Variants in PARD3B observed in about 807,000 individuals in gnomAD.
The protein encoded by PARD3B is par-3 family cell polarity regulator beta.
PARD3B carries 103 observed loss-of-function variants against 130.2 expected under a neutral mutation model. That is an observed-to-expected ratio of 0.79 (90% CI 0.67 to 0.93). The LOEUF is 0.93. PARD3B is among the 40% of genes least tolerant of loss of function. The probability of loss-of-function intolerance (pLI) is 0.00; values close to 1 mark genes in which losing one functional copy is unlikely to be tolerated. For missense variants in PARD3B, 1,609 were observed against 1,499.2 expected (o/e 1.07, Z -1.21); for synonymous variants, 583 against 553.2 (o/e 1.05, Z -0.76).
chr2:205,290,109 C>G (rs1172012016), intron 16 of PARD3B, among the ~76,000 whole-genome samples: 2 of 152,154 alleles, frequency 1.3e-5, no homozygotes, highest in Non-Finnish European at 2.9e-5. Flanking sequence ...AATTAATTAG[C>G]TGAGTAAACA....
At chr2:205,323,522 T>C (rs2042830921) in intron 18 of PARD3B, among the ~76,000 whole-genome samples, 1 of 152,224 alleles carries the variant, frequency 6.6e-6, no homozygotes, top group Non-Finnish European at 1.5e-5. Flanking sequence ...GTTTTTCTAA[T>C]ACGCAAAGGG....
chr2:204,676,971 A>G (rs546493193), intron 1 of PARD3B, among the ~76,000 whole-genome samples: 2 of 152,166 alleles, frequency 1.3e-5, no homozygotes, highest in South Asian at 4.2e-4. Context: ...CCCGGCCAAG[A>G]TTGTTCTTTT....
intron 18 of PARD3B, among the ~76,000 whole-genome samples, chr2:205,378,349 T>C (rs779441977): frequency 1.3e-5 from 2 of 152,158 alleles, no homozygotes; most frequent in East Asian, 1.9e-4. Flanking sequence ...TTCGAGGCCA[T>C]TGGAGGCCTG....
At chr2:205,453,825 T>G (rs1452113873) in intron 20 of PARD3B, among the ~76,000 whole-genome samples, 1 of 152,216 alleles carries the variant, frequency 6.6e-6, no homozygotes, top group Non-Finnish European at 1.5e-5. Flanking sequence ...GTTGTACATG[T>G]ATGTAAAATG....
chr2:205,346,680 C>T (rs849252), intron 18 of PARD3B, among the ~76,000 whole-genome samples: 19,339 of 152,076 alleles, frequency 0.13, 1,331 homozygotes, highest in African/African-American at 0.18. Flanking sequence ...ACTTTGTCAC[C>T]CTGCAGCTAT....
intron 1 of PARD3B, among the ~76,000 whole-genome samples, chr2:204,590,071 A>G (rs779210205): frequency 6.6e-6 from 1 of 152,172 alleles, no homozygotes; most frequent in Non-Finnish European, 1.5e-5. Flanking sequence ...TCTGACTGCT[A>G]TAACAAATAT....
intron 2 of PARD3B, among the ~76,000 whole-genome samples, chr2:204,785,552 C>A (rs1161778781): frequency 6.6e-6 from 1 of 152,154 alleles, no homozygotes; most frequent in South Asian, 2.1e-4. Context: ...CTGCCATAAC[C>A]TACCAAACCC....
intron 15 of PARD3B, among the ~76,000 whole-genome samples, chr2:205,204,029 C>G (rs1413991910): frequency 2.6e-5 from 4 of 152,230 alleles, no homozygotes; most frequent in South Asian, 4.1e-4. Context: ...AATCACCACA[C>G]TGTCTTCCAC....
intron 2 of PARD3B, among the ~76,000 whole-genome samples, chr2:204,807,392 G>C (rs908689075): frequency 2.6e-5 from 4 of 152,162 alleles, no homozygotes; most frequent in African/African-American, 7.2e-5. Context: ...TACACTGTTG[G>C]TCGGAATGTA....
intron 1 of PARD3B, among the ~76,000 whole-genome samples, chr2:204,604,480 C>T (rs1232750563): frequency 6.6e-6 from 1 of 152,142 alleles, no homozygotes; most frequent in East Asian, 1.9e-4. Context: ...ATTTTTAGAG[C>T]ACAGATATCT....
In PARD3B at chr2:205,337,194, A is replaced by G. The variant is rs1039155126; in HGVS notation, c.2630+35493A>G. ...CAAACACCAGCAACACCTTTCAGCA[A>G]CACAGTTTGGTGAAGACATGCCTAG... On this transcript the variant is annotated intron_variant, in intron 18 of 22. Coordinates refer to ENST00000406610, the MANE Select transcript of PARD3B (RefSeq NM_001302769.2). 7.9e-5 allele frequency among the ~76,000 whole-genome samples: 12 copies of G among 152,218 alleles called. 1 individual carries two copies. Among genetic ancestry groups the G allele is most frequent in the African/African-American group, 2.9e-4 (12 of 41,458 alleles).
intron 2 of PARD3B, among the ~76,000 whole-genome samples, chr2:204,747,412 C>T (rs1234020533): frequency 6.6e-6 from 1 of 152,126 alleles, no homozygotes; most frequent in African/African-American, 2.4e-5. Context: ...CTATAAACCA[C>T]TGCTCAACGA....
intron 1 of PARD3B, among the ~76,000 whole-genome samples, chr2:204,620,033 G>A (rs1018152503): frequency 2.1e-4 from 32 of 152,054 alleles, no homozygotes; most frequent in African/African-American, 6.8e-4. Flanking sequence ...ATGGAATCTC[G>A]CTCTGTCACC....
intron 2 of PARD3B, among the ~76,000 whole-genome samples, chr2:204,801,109 G>C (rs1344288540): frequency 6.6e-6 from 1 of 152,078 alleles, no homozygotes; most frequent in Non-Finnish European, 1.5e-5. Flanking sequence ...GTTTGTTTTT[G>C]TTACTGTAGC....
intron 2 of PARD3B, among the ~76,000 whole-genome samples, chr2:204,786,892 A>T (rs925724863): frequency 6.6e-6 from 1 of 151,958 alleles, no homozygotes; most frequent in Non-Finnish European, 1.5e-5. Flanking sequence ...GAAAAATATC[A>T]ATAAAACTAA....
At chr2:205,182,475 G>T (rs1247160612) in intron 13 of PARD3B, among the ~76,000 whole-genome samples, 1 of 151,810 alleles carries the variant, frequency 6.6e-6, no homozygotes, top group Non-Finnish European at 1.5e-5. Flanking sequence ...TTTAATGATT[G>T]TAATAAAACT....
At chr2:204,883,808 C>T (rs1353576786) in intron 2 of PARD3B, among the ~76,000 whole-genome samples, 3 of 149,362 alleles carry the variant, frequency 2.0e-5, no homozygotes, top group African/African-American at 7.4e-5. Context: ...GGTGCAAGCT[C>T]GGCTCACTGC....
chr2:204,998,975 G>T (rs188593906), intron 3 of PARD3B, among the ~76,000 whole-genome samples: 1 of 152,156 alleles, frequency 6.6e-6, no homozygotes, highest in Admixed American at 6.5e-5. Flanking sequence ...GATTACAGGC[G>T]TGAGGCACCA....
At chr2:205,134,590 C>T (rs1460144002) in intron 10 of PARD3B, among the ~76,000 whole-genome samples, 1 of 152,080 alleles carries the variant, frequency 6.6e-6, no homozygotes, top group African/African-American at 2.4e-5. Context: ...GCTGTACCTT[C>T]TCTCACTTGT....
Sources: allele counts gnomAD v4.1 joint callset (sites outside exome capture counted in the v4.1 genomes callset), GRCh38; gene constraint gnomAD v4.1.1; transcripts MANE v1.5; gene names NCBI Gene and HGNC (gene_info 2026-07-23, HGNC 2026-07-21).